The following ZMYM2 variants were observed in gnomAD, a reference collection of about 807,000 sequenced individuals.
ZMYM2 encodes the protein zinc finger MYM-type containing 2, also known as zinc finger MYM-type protein 2.
A neutral mutation model predicts 162.8 loss-of-function variants in ZMYM2; 56 were observed. That is an observed-to-expected ratio of 0.34 (90% CI 0.28 to 0.43). The LOEUF is 0.43. Among genes scored for constraint, ZMYM2 ranks in the 20% least tolerant of loss-of-function variants. The probability of loss-of-function intolerance (pLI) is 1.00; values close to 1 mark genes in which losing one functional copy is unlikely to be tolerated. For synonymous variants in ZMYM2, 510 were observed against 541.6 expected (o/e 0.94, Z 0.81); for missense variants, 1,275 against 1,621.8 (o/e 0.79, Z 3.67).
chr13:20,048,197 A>G lies in ZMYM2; in HGVS notation c.2293-3236A>G, dbSNP rs569614085. ...TGGCAATATTAAATTCTTAATACAAATGCCCTCTAATAGTCTTAACAGTAT... is the reference window on the plus strand; with the variant it reads ...TGGCAATATTAAATTCTTAATACAAGTGCCCTCTAATAGTCTTAACAGTAT... On this transcript the variant is annotated intron_variant, in intron 12 of 24. Coordinates refer to ENST00000610343, the MANE Select transcript of ZMYM2 (RefSeq NM_197968.4). Among the ~76,000 whole-genome samples the G allele has an allele frequency of 3.3e-5, 5 of 152,132 alleles. No individual in the cohort carries two copies. The East Asian group carries it at 9.6e-4, about 29-fold the overall frequency.
At chr13:19,994,554 A>T (rs1314122981) in intron 3 of ZMYM2, among the ~76,000 whole-genome samples, 1 of 152,024 alleles carries the variant, frequency 6.6e-6, no homozygotes, top group African/African-American at 2.4e-5. Flanking sequence ...CAGTGGCGCA[A>T]TCTTGGCTCA....
At chr13:19,964,696 C>T (rs1955583239) in intron 2 of ZMYM2, among the ~76,000 whole-genome samples, 1 of 151,188 alleles carries the variant, frequency 6.6e-6, no homozygotes, top group African/African-American at 2.4e-5. Flanking sequence ...AGGTTTTTCT[C>T]TCTTTTTCAG....
chr13:20,063,851 A>G (rs1484972492), intron 18 of ZMYM2, among the ~76,000 whole-genome samples: 2 of 146,184 alleles, frequency 1.4e-5, no homozygotes, highest in African/African-American at 2.5e-5. Context: ...TATATACATC[A>G]TGATGTATAT....
rs2139738391 is a variant in ZMYM2, at chr13:19,993,210, T to C, written c.138T>C (p.Ser46=). 6.2e-7 allele frequency: 1 copy of C among 1,614,036 alleles called. No homozygotes were observed. Among genetic ancestry groups the C allele is most frequent in the Non-Finnish European group, 8.5e-7 (1 of 1,179,908 alleles). ...CAGCTAATCCTTTAGTGTCTAGATC[T>C]AATAAGTTTCAGAACTCGTCAGTGG... ...SGPANPLVSR[S]NKFQNSSVED... Residue 46 remains serine, a synonymous_variant, in exon 3 of 25, where the codon TCT becomes TCC. Coordinates refer to ENST00000610343, the MANE Select transcript of ZMYM2 (RefSeq NM_197968.4).
chr13:20,013,315 A>G (rs980360910), intron 6 of ZMYM2, among the ~76,000 whole-genome samples: 1 of 152,188 alleles, frequency 6.6e-6, no homozygotes, highest in Non-Finnish European at 1.5e-5. Context: ...GTACTGTGCA[A>G]GTTTACTGAA....
intron 14 of ZMYM2, among the ~76,000 whole-genome samples, chr13:20,058,187 A>C (rs1031626597): frequency 1.6e-4 from 24 of 152,356 alleles, no homozygotes; most frequent in African/African-American, 5.8e-4. Flanking sequence ...AGAGTATCAG[A>C]GAGCCATAAT....
chr13:19,925,591 G>A, the ZMYM2 span, among the ~76,000 whole-genome samples: 1 of 151,810 alleles, frequency 6.6e-6, no homozygotes, highest in African/African-American at 2.4e-5. Context: ...GTGTAATACT[G>A]GCCAGGTGCG....
chr13:19,898,924 C>T, the ZMYM2 span, among the ~76,000 whole-genome samples: 1 of 151,508 alleles, frequency 6.6e-6, no homozygotes, highest in Admixed American at 6.6e-5. Flanking sequence ...CAGAGCAAGA[C>T]CCCACTTCTT....
At chr13:19,941,255 T>C in the ZMYM2 span, among the ~76,000 whole-genome samples, 3 of 148,592 alleles carry the variant, frequency 2.0e-5, no homozygotes, top group East Asian at 6.0e-4. Context: ...TTGCAATGAG[T>C]GGAGATTGTG....
chr13:20,050,141 T>G (rs1434971943), intron 12 of ZMYM2, among the ~76,000 whole-genome samples: 1 of 151,880 alleles, frequency 6.6e-6, no homozygotes, highest in Non-Finnish European at 1.5e-5. Context: ...TGGACAAGAG[T>G]TGTGATATTG....
intron 6 of ZMYM2, among the ~76,000 whole-genome samples, chr13:20,007,555 T>C (rs1950840355): frequency 6.6e-6 from 1 of 152,078 alleles, no homozygotes; most frequent in Non-Finnish European, 1.5e-5. Flanking sequence ...TATCAGAAAT[T>C]ATTATTGCTT....
At chr13:20,059,192 G>C (rs1181306736) in intron 15 of ZMYM2, among the ~76,000 whole-genome samples, 2 of 151,510 alleles carry the variant, frequency 1.3e-5, no homozygotes, top group Non-Finnish European at 2.9e-5. Flanking sequence ...GAACTACATA[G>C]TGTTTTTAAA....
intron 2 of ZMYM2, among the ~76,000 whole-genome samples, chr13:19,965,487 T>A (rs1955664612): frequency 6.6e-6 from 1 of 152,210 alleles, no homozygotes; most frequent in African/African-American, 2.4e-5. Context: ...AATTGGATAT[T>A]ACAACACCTG....
chr13:20,065,310 A>G (rs1196532886), intron 19 of ZMYM2, among the ~76,000 whole-genome samples: 2 of 152,146 alleles, frequency 1.3e-5, no homozygotes, highest in Admixed American at 6.5e-5. Flanking sequence ...ACTCAAAATG[A>G]GCCATAGACC....
At chr13:19,937,241 T>A in the ZMYM2 span, among the ~76,000 whole-genome samples, 4 of 152,094 alleles carry the variant, frequency 2.6e-5, no homozygotes, top group African/African-American at 9.7e-5. Flanking sequence ...CTCCGCCTCC[T>A]TGGCTCAAGC....
chr13:19,899,841 A>G, the ZMYM2 span, among the ~76,000 whole-genome samples: 1 of 150,362 alleles, frequency 6.7e-6, no homozygotes, highest in Non-Finnish European at 1.5e-5. Flanking sequence ...AAAAAAAAGG[A>G]AAACAGTAGA....
At chr13:19,880,355 G>C in the ZMYM2 span, among the ~76,000 whole-genome samples, 13 of 151,990 alleles carry the variant, frequency 8.6e-5, no homozygotes, top group African/African-American at 2.7e-4. Flanking sequence ...TTGTAGTTTT[G>C]ATTGTACAAA....
At chr13:20,060,177 A>G (rs1956123094) in intron 16 of ZMYM2, among the ~76,000 whole-genome samples, 1 of 152,234 alleles carries the variant, frequency 6.6e-6, no homozygotes, top group South Asian at 2.1e-4. Context: ...TACTGAGGAT[A>G]ACTCTAGTTG....
chr13:19,927,968 C>T, the ZMYM2 span, among the ~76,000 whole-genome samples: 1 of 151,648 alleles, frequency 6.6e-6, no homozygotes, highest in African/African-American at 2.4e-5. Context: ...TATTTTTGCC[C>T]CTTTGTCAGT....
Sources: gnomAD v4.1 joint callset for allele counts (sites outside exome capture counted in the v4.1 genomes callset) on GRCh38, gnomAD v4.1.1 for gene constraint, MANE v1.5 for transcripts, NCBI Gene and HGNC (gene_info 2026-07-23, HGNC 2026-07-21) for gene names.